The following NRG3 variants were observed in gnomAD, a reference collection of about 807,000 sequenced individuals.
The protein encoded by NRG3 is neuregulin 3.
In NRG3, 31 loss-of-function variants were observed where a neutral mutation model predicts 66.9. The ratio of observed to expected loss-of-function variants is 0.46; its 90% CI spans 0.35 to 0.63. The LOEUF is 0.63. NRG3 is among the 20% of genes least tolerant of loss of function. The pLI is 0.00. For synonymous variants in NRG3, 393 were observed against 359.4 expected, an observed-to-expected ratio of 1.09 and a Z score of -1.06; for missense variants, 910 against 878.9, an observed-to-expected ratio of 1.04 and a Z score of -0.45.
rs1305651522 is a variant in NRG3 at position 81,942,511 on chromosome 10, T to C, written c.823+66348T>C. Among the ~76,000 whole-genome samples, 3 of 152,190 alleles carry C rather than the reference T, an allele frequency of 2.0e-5. No homozygotes were observed. In the East Asian group the frequency reaches 5.8e-4, roughly 29 times the overall value. On this transcript the variant is annotated intron_variant, in intron 1 of 8. Coordinates refer to ENST00000372141, the MANE Select transcript of NRG3 (RefSeq NM_001010848.4). ...TCAGCCGTTGACTACACAAGATCTA[T>C]ATCAGTCCTTGATGCCTTCCTTGAA...
At chr10:82,088,011 C>T (rs1453291771) in intron 1 of NRG3, among the ~76,000 whole-genome samples, 1 of 152,066 alleles carries the variant, frequency 6.6e-6, no homozygotes, top group Non-Finnish European at 1.5e-5. Context: ...AGAGCCTGTC[C>T]TCAACTTGCT....
intron 3 of NRG3, among the ~76,000 whole-genome samples, chr10:82,810,031 A>G (rs2061429254): frequency 6.6e-6 from 1 of 151,856 alleles, no homozygotes; most frequent in Non-Finnish European, 1.5e-5. Flanking sequence ...TCTTATTGAT[A>G]TATATAGGAT....
intron 1 of NRG3, among the ~76,000 whole-genome samples, chr10:81,964,303 G>A (rs982972784): frequency 6.8e-6 from 1 of 147,362 alleles, no homozygotes; most frequent in African/African-American, 2.5e-5. Context: ...CTGCATAGAA[G>A]GAGAATCACT....
chr10:82,703,370 A>G (rs977120949), intron 2 of NRG3, among the ~76,000 whole-genome samples: 1 of 152,150 alleles, frequency 6.6e-6, no homozygotes, highest in Non-Finnish European at 1.5e-5. Context: ...ATTTATTTCC[A>G]AACTTACACT....
At chr10:81,989,818 C>A (rs180772020) in intron 1 of NRG3, among the ~76,000 whole-genome samples, 1 of 151,804 alleles carries the variant, frequency 6.6e-6, no homozygotes, top group Admixed American at 6.6e-5. Context: ...GAGAAAAATG[C>A]GACTCTGGAG....
intron 2 of NRG3, among the ~76,000 whole-genome samples, chr10:82,603,790 T>C (rs1005516637): frequency 6.6e-6 from 1 of 152,144 alleles, no homozygotes; most frequent in Non-Finnish European, 1.5e-5. Flanking sequence ...TTGGATAAAA[T>C]AGATAAAAAT....
intron 2 of NRG3, among the ~76,000 whole-genome samples, chr10:82,518,477 A>G (rs1225413425): frequency 1.3e-5 from 2 of 152,220 alleles, no homozygotes; most frequent in African/African-American, 2.4e-5. Flanking sequence ...AATAGTAGAT[A>G]CATTAGAAAA....
chr10:82,416,838 G>C (rs2088618394), intron 2 of NRG3, among the ~76,000 whole-genome samples: 1 of 151,976 alleles, frequency 6.6e-6, no homozygotes, highest in Non-Finnish European at 1.5e-5. Flanking sequence ...GCCTTTGGTG[G>C]GCTGTGTAAT....
intron 1 of NRG3, among the ~76,000 whole-genome samples, chr10:82,167,554 G>C (rs891503975): frequency 6.6e-6 from 1 of 152,050 alleles, no homozygotes; most frequent in Admixed American, 6.6e-5. Context: ...CTTCATATTA[G>C]CACATTATTA....
chr10:82,775,285 T>C (rs2059870959), intron 3 of NRG3, among the ~76,000 whole-genome samples: 1 of 151,880 alleles, frequency 6.6e-6, no homozygotes, highest in Non-Finnish European at 1.5e-5. Context: ...CTATATCCCA[T>C]AGGTTTTTAT....
intron 2 of NRG3, among the ~76,000 whole-genome samples, chr10:82,561,575 C>A (rs1272696209): frequency 6.6e-6 from 1 of 152,148 alleles, no homozygotes; most frequent in East Asian, 1.9e-4. Context: ...ATCGCTTGAG[C>A]CTGTGAGGCA....
intron 1 of NRG3, among the ~76,000 whole-genome samples, chr10:82,055,042 G>A (rs1282645817): frequency 7.4e-6 from 1 of 135,366 alleles, no homozygotes; most frequent in Non-Finnish European, 1.6e-5. Context: ...AGAAAGAAAG[G>A]AAAGAAGGGA....
chr10:81,904,514 C>G (rs953354872), intron 1 of NRG3, among the ~76,000 whole-genome samples: 1 of 152,072 alleles, frequency 6.6e-6, no homozygotes, highest in Admixed American at 6.6e-5. Context: ...TTCCAGATGG[C>G]GCTAATCATT....
In NRG3 at chr10:82,809,788, C is replaced by T. The variant is rs147350989; in HGVS notation, c.1028-55623C>T. Among the ~76,000 whole-genome samples, 17 of 152,064 alleles carry T rather than the reference C, an allele frequency of 1.1e-4. No individual in the cohort carries two copies. In the East Asian group the frequency reaches 3.3e-3, roughly 29 times the overall value. ...ATCTTTAATTCTGCAAGAGATAATC[C>T]TAAGTAGTTTTCCAGGTTTTTTTCA... On this transcript the variant is annotated intron_variant, in intron 3 of 8. Transcript: ENST00000372141.
intron 1 of NRG3, among the ~76,000 whole-genome samples, chr10:82,085,416 A>C (rs1290130027): frequency 6.6e-6 from 1 of 152,010 alleles, no homozygotes; most frequent in Non-Finnish European, 1.5e-5. Context: ...TAAAGAACAG[A>C]TTTATTTATA....
intron 6 of NRG3, among the ~76,000 whole-genome samples, chr10:82,971,683 T>A (rs7099397): frequency 0.09 from 13,751 of 152,148 alleles, 811 homozygotes; most frequent in African/African-American, 0.15. Context: ...GTGATCTGCC[T>A]GCCTCAGCTT....
rs151171105 is a variant in NRG3 at position 82,723,093 on chromosome 10, G to C, written c.954-15484G>C. Among the ~76,000 whole-genome samples, 472 of 152,160 alleles carry C rather than the reference G, an allele frequency of 3.1e-3. 2 individuals are homozygous for C. Among genetic ancestry groups the C allele is most frequent in the African/African-American group, 0.011 (446 of 41,510 alleles). ...CCTAGGTGCTGATCAACAGTGGATTGGATAAGAAAAATGAGGTAATATACA... is the reference window on the plus strand; with the variant it reads ...CCTAGGTGCTGATCAACAGTGGATTCGATAAGAAAAATGAGGTAATATACA... On this transcript the variant is annotated intron_variant, in intron 2 of 8. Transcript: ENST00000372141.
At chr10:82,306,494 G>A (rs1249260483) in intron 1 of NRG3, among the ~76,000 whole-genome samples, 1 of 151,536 alleles carries the variant, frequency 6.6e-6, no homozygotes, top group East Asian at 2.0e-4. Flanking sequence ...ACGAGGTCAG[G>A]AGATCCAGAC....
chr10:82,255,840 G>A (rs2077701096), intron 1 of NRG3, among the ~76,000 whole-genome samples: 1 of 152,046 alleles, frequency 6.6e-6, no homozygotes, highest in South Asian at 2.1e-4. Context: ...CTGACCTCAG[G>A]TGATCTGCCT....
Sources: gnomAD v4.1 joint callset for allele counts (sites outside exome capture counted in the v4.1 genomes callset) on GRCh38, gnomAD v4.1.1 for gene constraint, MANE v1.5 for transcripts, NCBI Gene and HGNC (gene_info 2026-07-23, HGNC 2026-07-21) for gene names.